INO80D: variants seen among roughly 807,000 people sequenced by gnomAD.
INO80D encodes the protein INO80 complex subunit D.
INO80D carries 21 observed loss-of-function variants against 87.6 expected under a neutral mutation model. The ratio of observed to expected loss-of-function variants is 0.24; its 90% CI spans 0.17 to 0.35. The LOEUF is 0.35. Ranked by LOEUF, INO80D falls within the 10% of genes least tolerant of loss-of-function variation. The pLI is 1.00. For missense variants in INO80D, 982 were observed against 1,280.7 expected (o/e 0.77, Z 3.56); for synonymous variants, 440 against 491.0 (o/e 0.90, Z 1.37).
chr2:206,059,499 A>T (rs1689627225), intron 3 of INO80D, among the ~76,000 whole-genome samples: 1 of 152,224 alleles, frequency 6.6e-6, no homozygotes, highest in Non-Finnish European at 1.5e-5. Flanking sequence ...CAATCCTCAA[A>T]TTCACTGGGC....
intron 5 of INO80D, among the ~76,000 whole-genome samples, chr2:206,031,380 A>C (rs562500799): frequency 2.6e-5 from 4 of 152,350 alleles, no homozygotes; most frequent in East Asian, 3.9e-4. Flanking sequence ...CATAACTAGG[A>C]AAACAGAAGT....
Position 206,056,275 on chromosome 2 carries a change from C to G in INO80D, c.887G>C (p.Cys296Ser), listed in dbSNP as rs1175039832. 4.3e-6 allele frequency: 7 copies of G among 1,613,862 alleles called. No individual in the cohort carries two copies. The highest frequency in any genetic ancestry group is 5.1e-6 in the Non-Finnish European group (6 of 1,179,832). The change falls in exon 4 of 11, where the codon TGT becomes TCT. Residue 296 changes from cysteine to serine, a missense_variant. Transcript: ENST00000403263. ...KATAFSPHFS[C>S]ISRLQRLVKL... ...CACCAGTCTCTGCAGTCGGCTTATA[C>G]ATGAGAAGTGTGGAGAGAAGGCTGT...
Position 205,995,435 on chromosome 2 carries a change from C to T in INO80D, c.*8933G>A, listed in dbSNP as rs1408172648. 3 of 152,160 alleles carry T rather than the reference C, an allele frequency of 2.0e-5. No individual in the cohort carries two copies. The highest frequency in any genetic ancestry group is 7.2e-5 in the African/African-American group (3 of 41,436). 9.4% of individuals were successfully genotyped at this position (152,160 alleles called of 1,614,324 possible). A position where few individuals can be genotyped will look rare whatever the true frequency, so the allele number is the denominator to read the frequency against. ...TTTGATAATGTATTTTAAATCATTA[C>T]ATACAACTGCCACTGCAGTGACAAT... On this transcript the variant is annotated 3_prime_UTR_variant, in exon 11 of 11. Coordinates refer to ENST00000403263, the MANE Select transcript of INO80D (RefSeq NM_017759.5).
intron 1 of INO80D, among the ~76,000 whole-genome samples, chr2:206,082,329 A>C (rs1690307958): frequency 6.6e-6 from 1 of 152,246 alleles, no homozygotes. Context: ...CTAAAAACTC[A>C]TCTTAAAAAC....
chr2:206,001,850 G>C lies in INO80D; in HGVS notation c.*2518C>G, dbSNP rs1390483794. 6.6e-6 allele frequency: 1 copy of C among 152,212 alleles called. No homozygotes were observed. Among genetic ancestry groups the C allele is most frequent in the Non-Finnish European group, 1.5e-5 (1 of 68,046 alleles). The allele number at this position is 152,212 out of a possible 1,614,324, so 9.4% of individuals were successfully genotyped here. A position where few individuals can be genotyped will look rare whatever the true frequency, so the allele number is the denominator to read the frequency against. On this transcript the variant is annotated 3_prime_UTR_variant, in exon 11 of 11. Coordinates refer to ENST00000403263, the MANE Select transcript of INO80D (RefSeq NM_017759.5). Reference sequence around the variant, plus strand: ...CCAAACGAAAATGTATTTACTCAAAGTTTTTGGTGTGAAGCTGTAACTAGC... The same window carrying C: ...CCAAACGAAAATGTATTTACTCAAACTTTTTGGTGTGAAGCTGTAACTAGC...
chr2:206,071,514 ATTGGC>A (rs1387704738), intron 1 of INO80D, among the ~76,000 whole-genome samples: 6 of 134,410 alleles, frequency 4.5e-5, no homozygotes, highest in Non-Finnish European at 7.8e-5. Flanking sequence ...GGTATCAATT[ATTGGC>A]ATACTAGATT....
At chr2:206,065,324 G>C (rs925390719) in intron 1 of INO80D, among the ~76,000 whole-genome samples, 2 of 152,084 alleles carry the variant, frequency 1.3e-5, no homozygotes, top group Non-Finnish European at 2.9e-5. Flanking sequence ...ACAAAAATCA[G>C]CTAGGCATGG....
At chr2:206,077,117 C>CA (rs897796224) in intron 1 of INO80D, among the ~76,000 whole-genome samples, 20 of 148,550 alleles carry the variant, frequency 1.3e-4, no homozygotes, top group Non-Finnish European at 2.2e-4. Context: ...ACTAAAAATA[C>CA]AAAAAAAAAA....
At chr2:206,076,897 T>C (rs774533993) in intron 1 of INO80D, among the ~76,000 whole-genome samples, 5 of 152,198 alleles carry the variant, frequency 3.3e-5, no homozygotes, top group Admixed American at 2.0e-4. Flanking sequence ...TGTAATTGTA[T>C]GTATCTCATT....
In INO80D at chr2:206,056,469, C is replaced by T. The variant is rs550047667; in HGVS notation, c.693G>A (p.Lys231=). The change falls in exon 4 of 11, where the codon AAG becomes AAA. Residue 231 remains lysine (K), a synonymous_variant. Transcript: ENST00000403263. Reference sequence around the variant, plus strand: ...GGCTGGTGTTCTGAGGTTGAGGTGACTTGCAGACTGAACCCTGCGGTGGCG... The same window carrying T: ...GGCTGGTGTTCTGAGGTTGAGGTGATTTGCAGACTGAACCCTGCGGTGGCG... ...PPAPPQGSVC[K]SPQPQNTSLP... The T allele has an allele frequency of 6.3e-5, 101 of 1,613,940 alleles. 3 individuals carry two copies. The South Asian group carries it at 1.1e-3, about 17-fold the overall frequency.
At chr2:206,068,133 T>C (rs1215404289) in intron 1 of INO80D, among the ~76,000 whole-genome samples, 4 of 152,188 alleles carry the variant, frequency 2.6e-5, no homozygotes, top group African/African-American at 9.6e-5. Flanking sequence ...AGGGTCTCAC[T>C]TTGTTGCCAG....
chr2:206,041,815 T>C (rs1346505901), intron 5 of INO80D, among the ~76,000 whole-genome samples: 3 of 152,184 alleles, frequency 2.0e-5, no homozygotes, highest in Non-Finnish European at 4.4e-5. Flanking sequence ...CATTTCTAAA[T>C]AGCCCATAGA....
At chr2:206,023,133 G>A (rs1350817305) in intron 6 of INO80D, among the ~76,000 whole-genome samples, 3 of 151,974 alleles carry the variant, frequency 2.0e-5, no homozygotes, top group African/African-American at 7.3e-5. Flanking sequence ...TCCGGGAGGC[G>A]GAGCTTGCAG....
At chr2:206,053,970 G>A (rs1689443200) in intron 4 of INO80D, among the ~76,000 whole-genome samples, 1 of 151,834 alleles carries the variant, frequency 6.6e-6, no homozygotes, top group Non-Finnish European at 1.5e-5. Context: ...CTCCCAAGTA[G>A]CTGGGATTAC....
intron 7 of INO80D, among the ~76,000 whole-genome samples, chr2:206,018,388 T>C (rs1171288030): frequency 6.6e-6 from 1 of 152,136 alleles, no homozygotes; most frequent in Non-Finnish European, 1.5e-5. Flanking sequence ...TCAAGTGATC[T>C]AGCCGCCTCA....
At chr2:206,049,748 T>C (rs1017650862) in intron 4 of INO80D, among the ~76,000 whole-genome samples, 2 of 152,218 alleles carry the variant, frequency 1.3e-5, no homozygotes, top group Admixed American at 6.5e-5. Flanking sequence ...TGTCATAAGA[T>C]TACAGAGTAT....
intron 1 of INO80D, among the ~76,000 whole-genome samples, chr2:206,081,170 A>T (rs576176908): frequency 1.3e-5 from 2 of 152,294 alleles, no homozygotes; most frequent in East Asian, 3.9e-4. Flanking sequence ...GTCAGGATGC[A>T]AGGCCTATTT....
intron 5 of INO80D, 91 bp from the exon 6 acceptor site, chr2:206,028,426 G>A (rs1688675414): frequency 9.7e-7 from 1 of 1,027,812 alleles, no homozygotes; most frequent in African/African-American, 1.6e-5. Context: ...GTAGCTGAAT[G>A]CACAGGTTTA....
intron 1 of INO80D, among the ~76,000 whole-genome samples, chr2:206,072,945 C>T (rs748060779): frequency 1.3e-5 from 2 of 151,264 alleles, no homozygotes; most frequent in Non-Finnish European, 2.9e-5. Flanking sequence ...TCAATTGATC[C>T]TTTTACCTTA....
Sources: gnomAD v4.1 joint callset for allele counts (sites outside exome capture counted in the v4.1 genomes callset) on GRCh38, gnomAD v4.1.1 for gene constraint, MANE v1.5 for transcripts, NCBI Gene and HGNC (gene_info 2026-07-23, HGNC 2026-07-21) for gene names.